Variants in LDLRAP1 observed in about 807,000 individuals in gnomAD.
LDLRAP1 encodes the protein low density lipoprotein receptor adapter protein 1.
In LDLRAP1, 30 loss-of-function variants were observed where a neutral mutation model predicts 37.8. That is an observed-to-expected ratio of 0.79 (90% CI 0.59 to 1.08). LDLRAP1 has a LOEUF of 1.08. Ranked by LOEUF, LDLRAP1 falls within the 50% of genes least tolerant of loss-of-function variation. The probability of loss-of-function intolerance (pLI) is 0.00; values close to 1 mark genes in which losing one functional copy is unlikely to be tolerated. For synonymous variants in LDLRAP1, 156 were observed against 169.8 expected (o/e 0.92, Z 0.63); for missense variants, 375 against 401.6 (o/e 0.93, Z 0.57).
At chr1:25,558,161 C>T (rs1366781320) in intron 4 of LDLRAP1, among the ~76,000 whole-genome samples, 1 of 152,062 alleles carries the variant, frequency 6.6e-6, no homozygotes, top group South Asian at 2.1e-4. Flanking sequence ...TCTGAGACCC[C>T]CAGGATCTGA....
At chr1:25,549,050 T>G (rs1004144124) in intron 1 of LDLRAP1, among the ~76,000 whole-genome samples, 3 of 152,250 alleles carry the variant, frequency 2.0e-5, no homozygotes, top group African/African-American at 7.2e-5. Context: ...ACTGTGTAAG[T>G]AGGTACTTAG....
At chr1:25,563,015 TG>T in intron 5 of LDLRAP1, 54 bp from the exon 6 acceptor site, 1 of 1,534,830 alleles carries the variant, frequency 6.5e-7, no homozygotes, top group East Asian at 2.2e-5. Context: ...CGGTGATTGC[TG>T]GGGACAGAGT....
In LDLRAP1 at chr1:25,554,725, C is replaced by A; in HGVS notation, c.232-135C>A. The A allele has an allele frequency of 1.4e-6, 1 of 720,572 alleles. No homozygotes were observed. 44.6% of individuals were successfully genotyped at this position (720,572 alleles called of 1,614,324 possible). On this transcript the variant is annotated intron_variant, in intron 2 of 8. Transcript: ENST00000374338. The surrounding 1 kb of genome is among the most constrained non-coding windows in gnomAD (Gnocchi z 5.4). ...TGCAAGAAGGTGCTGGCTGAGTGGT[C>A]TTGCCCACACTGCTGCCAGTCACCT...
chr1:25,543,750 G>A lies in LDLRAP1; in HGVS notation c.52G>A (p.Ala18Thr). The change falls in exon 1 of 9, where the codon GCC becomes ACC. Residue 18 changes from alanine to threonine, a missense_variant. By Grantham distance (58) the Ala-to-Thr change is moderately conservative. Coordinates refer to ENST00000374338, the MANE Select transcript of LDLRAP1 (RefSeq NM_015627.3). ...GGCGCTGATCCGGAGCCCCAGCTTGGCCAAGCAGAGCTGGGGGGGCGGTGG... is the reference window on the plus strand; with the variant it reads ...GGCGCTGATCCGGAGCCCCAGCTTGACCAAGCAGAGCTGGGGGGGCGGTGG... ...GRALIRSPSL[A>T]KQSWGGGGRH... 8.3e-7 allele frequency: 1 copy of A among 1,211,570 alleles called. No individual in the cohort carries two copies. Among genetic ancestry groups the A allele is most frequent in the East Asian group, 3.3e-5 (1 of 29,864 alleles). 75.1% of individuals were successfully genotyped at this position (1,211,570 alleles called of 1,614,324 possible).
chr1:25,565,106 C>T, intron 7 of LDLRAP1, 67 bp from the exon 8 acceptor site: 10 of 1,562,658 alleles, frequency 6.4e-6, no homozygotes, highest in Non-Finnish European at 8.8e-6. Context: ...AGGGCTGGGA[C>T]AAGCCCCAGC....
At chr1:25,557,387 T>G in intron 4 of LDLRAP1, 120 bp downstream of exon 4, 1 of 780,438 alleles carries the variant, frequency 1.3e-6, no homozygotes. Context: ...AAGAAGAGGG[T>G]GAAATCTCTG....
At chr1:25,572,755 C>G (rs972970751), downstream of LDLRAP1, among the ~76,000 whole-genome samples, 1 of 152,134 alleles carries the variant, frequency 6.6e-6, no homozygotes, top group Non-Finnish European at 1.5e-5. Flanking sequence ...CATGTGCTTG[C>G]AGGGAACTGG....
At chr1:25,580,250 G>GAGCT in the LDLRAP1 span, among the ~76,000 whole-genome samples, 1 of 152,150 alleles carries the variant, frequency 6.6e-6, no homozygotes, top group African/African-American at 2.4e-5. Context: ...TGGGAAGACA[G>GAGCT]AGCTGTCTCC....
chr1:25,567,050 G>A lies in LDLRAP1; in HGVS notation c.*58G>A. The A allele has an allele frequency of 6.2e-7, 1 of 1,608,952 alleles. No homozygotes were observed. Among genetic ancestry groups the A allele is most frequent in the Non-Finnish European group, 8.5e-7 (1 of 1,177,954 alleles). ...GACACGTGATGGACCAAAGCCACCT[G>A]CTGCGGGGGAGCCAGTTCTGGGGCC... On this transcript the variant is annotated 3_prime_UTR_variant, in exon 9 of 9. Transcript: ENST00000374338.
At chr1:25,561,857 A>G (rs1267121716) in intron 4 of LDLRAP1, among the ~76,000 whole-genome samples, 3 of 148,298 alleles carry the variant, frequency 2.0e-5, no homozygotes, top group African/African-American at 7.9e-5. Flanking sequence ...GCTGGGGGAA[A>G]CACAGGCAGG....
intron 8 of LDLRAP1, among the ~76,000 whole-genome samples, chr1:25,565,493 A>C (rs1220147787): frequency 1.3e-5 from 2 of 151,842 alleles, no homozygotes; most frequent in Non-Finnish European, 2.9e-5. Flanking sequence ...AACACACTGC[A>C]GCTCAAGTTG....
chr1:25,583,993 C>G, the LDLRAP1 span, among the ~76,000 whole-genome samples: 1 of 152,210 alleles, frequency 6.6e-6, no homozygotes, highest in East Asian at 1.9e-4. Flanking sequence ...TTTTTAACAT[C>G]TGGCTTCTCC....
intron 6 of LDLRAP1, 135 bp from the exon 7 acceptor site, chr1:25,563,526 G>A (rs1572053461): frequency 8.3e-7 from 1 of 1,202,074 alleles, no homozygotes; most frequent in South Asian, 1.3e-5. Context: ...GTGGGGAGGT[G>A]CCAGGGCCGG....
chr1:25,552,951 A>G (rs2044108620), intron 1 of LDLRAP1, among the ~76,000 whole-genome samples: 1 of 152,136 alleles, frequency 6.6e-6, no homozygotes, highest in Non-Finnish European at 1.5e-5. Context: ...CAAAGAGGAG[A>G]GGGGACTTCC....
At position 25,554,949 on chromosome 1, in the gene LDLRAP1, C is replaced by A. The variant is rs1193162461; in HGVS notation, c.321C>A (p.Leu107=). 6.2e-7 allele frequency: 1 copy of A among 1,614,044 alleles called. No individual in the cohort carries two copies. Among genetic ancestry groups the A allele is most frequent in the African/African-American group, 1.3e-5 (1 of 74,936 alleles). ...IILTDNLTNQ[L]IENVSIYRIS... is the part of the protein sequence containing the mutation. The stretch of plus-strand genomic sequence containing the variant: ...TGACAGACAACCTCACCAACCAGCT[C>A]ATTGAGAACGTGTCCATATACAGGT... The change falls in exon 3 of 9, where the codon CTC becomes CTA. Residue 107 remains leucine, a synonymous_variant. Transcript: ENST00000374338. The surrounding 1 kb of genome is among the most constrained non-coding windows in gnomAD (Gnocchi z 5.4).
chr1:25,575,375 C>T, the LDLRAP1 span, among the ~76,000 whole-genome samples: 543 of 144,362 alleles, frequency 3.8e-3, 1 homozygote, highest in African/African-American at 0.013. Context: ...CACTAGAGTC[C>T]GGAAATTTGA....
chr1:25,567,662 C>A lies in LDLRAP1; in HGVS notation c.*670C>A, dbSNP rs575244186. On this transcript the variant is annotated 3_prime_UTR_variant, in exon 9 of 9. Coordinates refer to ENST00000374338, the MANE Select transcript of LDLRAP1 (RefSeq NM_015627.3). The stretch of plus-strand genomic sequence containing the variant: ...GCTCCTCCATGGTGCTGCATTGAGT[C>A]CAGCTTTCCTTCTGCCCTTCCTCCA... The A allele has an allele frequency of 6.4e-6, 1 of 156,108 alleles. No homozygotes were observed. Among genetic ancestry groups the A allele is most frequent in the African/African-American group, 2.4e-5 (1 of 41,560 alleles). 9.7% of individuals were successfully genotyped at this position (156,108 alleles called of 1,614,324 possible).
At chr1:25,587,815 A>C in the LDLRAP1 span, among the ~76,000 whole-genome samples, 1 of 152,198 alleles carries the variant, frequency 6.6e-6, no homozygotes, top group Non-Finnish European at 1.5e-5. Flanking sequence ...GGTCCACCGC[A>C]TATCAGTAAC....
At chr1:25,548,335 CTTTTTTTTTTTTT>C (rs144789866) in intron 1 of LDLRAP1, among the ~76,000 whole-genome samples, 8 of 82,314 alleles carry the variant, frequency 9.7e-5, no homozygotes, top group East Asian at 6.8e-4. Flanking sequence ...GATGGATACT[CTTTTTTTTTTTTT>C]TTTTTTTTTT....
Sources: allele counts gnomAD v4.1 joint callset (sites outside exome capture counted in the v4.1 genomes callset), GRCh38; gene constraint gnomAD v4.1.1; non-coding constraint Gnocchi (gnomAD v3.1); transcripts MANE v1.5; gene names NCBI Gene and HGNC (gene_info 2026-07-23, HGNC 2026-07-21).